FAM234B: variants seen among roughly 807,000 people sequenced by gnomAD.
FAM234B encodes the protein protein FAM234B.
A neutral mutation model predicts 69.3 loss-of-function variants in FAM234B; 33 were observed. That is an observed-to-expected ratio of 0.48 (90% CI 0.36 to 0.64). FAM234B has a LOEUF of 0.64. Ranked by LOEUF, FAM234B falls within the 30% of genes least tolerant of loss-of-function variation. FAM234B has a pLI of 0.00. For missense variants in FAM234B, 697 were observed against 769.7 expected (o/e 0.91, Z 1.12); for synonymous variants, 306 against 306.9 (o/e 1.00, Z 0.03).
At chr12:13,072,050 C>G (rs765702891) in intron 10 of FAM234B, among the ~76,000 whole-genome samples, 2 of 152,168 alleles carry the variant, frequency 1.3e-5, no homozygotes, top group Non-Finnish European at 2.9e-5. Flanking sequence ...CACATCTTGA[C>G]TCAGCACTTT....
chr12:13,054,506 G>A, intron 1 of FAM234B, among the ~76,000 whole-genome samples: 1 of 152,174 alleles, frequency 6.6e-6, no homozygotes, highest in East Asian at 1.9e-4. Flanking sequence ...CAAGGCCATA[G>A]TGACCCAGAG....
chr12:13,074,090 A>G (rs1399701557), intron 10 of FAM234B, among the ~76,000 whole-genome samples: 1 of 152,226 alleles, frequency 6.6e-6, no homozygotes, highest in Non-Finnish European at 1.5e-5. Flanking sequence ...TCAAACTGAT[A>G]TCTTACCCTT....
In FAM234B at chr12:13,067,201, A is replaced by G; in HGVS notation, c.1047A>G (p.Gln349=). The G allele has an allele frequency of 1.2e-6, 2 of 1,614,074 alleles. No homozygotes were observed. The highest frequency in any genetic ancestry group is 1.1e-5 in the South Asian group (1 of 91,084). ...VALRDIFVQA[Q]NRDSSPPSLQ... The stretch of plus-strand genomic sequence containing the variant: ...TGCGGGACATTTTTGTTCAGGCCCA[A>G]AATCGAGACAGCTCACCACCTTCTC... Residue 349 remains glutamine (Q), a synonymous_variant, in exon 7 of 13, where the codon CAA becomes CAG. Coordinates refer to ENST00000197268, the MANE Select transcript of FAM234B (RefSeq NM_020853.2). The surrounding 1 kb of genome is among the most constrained non-coding windows in gnomAD (Gnocchi z 4.7).
At chr12:13,076,345 C>G (rs913780293) in intron 11 of FAM234B, among the ~76,000 whole-genome samples, 4 of 152,182 alleles carry the variant, frequency 2.6e-5, no homozygotes. Flanking sequence ...GGTGAGAACC[C>G]ATATGCTCTG....
rs116099673 is a variant in FAM234B at position 13,068,608 on chromosome 12, C to G, written c.1287-22C>G. On this transcript the variant is annotated intron_variant, in intron 8 of 12. Transcript: ENST00000197268. ...TGTTTTTCTTGTTCACTATTGATTG[C>G]TTACTTTGTCCTTATTTGCAGCCAG... is the stretch of plus-strand genomic sequence containing the variant. 1.6e-3 allele frequency: 2,509 copies of G among 1,601,652 alleles called. 36 individuals carry two copies. The African/African-American group carries it at 0.03, about 19-fold the overall frequency.
At position 13,052,175 on chromosome 12, in the gene FAM234B, G is replaced by A. The variant is rs554673865; in HGVS notation, c.38-3376G>A. 5.3e-5 allele frequency among the ~76,000 whole-genome samples: 8 copies of A among 152,178 alleles called. No homozygotes were observed. The South Asian group carries it at 1.7e-3, about 32-fold the overall frequency. ...GAAATTAAAACTAGGACAGATAATTGGCAACTTCCCAGAAAAAAATTCTTG... is the reference window on the plus strand; with the variant it reads ...GAAATTAAAACTAGGACAGATAATTAGCAACTTCCCAGAAAAAAATTCTTG... On this transcript the variant is annotated intron_variant, in intron 1 of 12. Coordinates refer to ENST00000197268, the MANE Select transcript of FAM234B (RefSeq NM_020853.2).
At position 13,074,178 on chromosome 12, in the gene FAM234B, T is replaced by A. The variant is rs1031095750; in HGVS notation, c.1525-1848T>A. On this transcript the variant is annotated intron_variant, in intron 10 of 12. Coordinates refer to ENST00000197268, the MANE Select transcript of FAM234B (RefSeq NM_020853.2). Reference sequence around the variant, plus strand: ...AGTTTCCTCTGGTGCAAAAAAAATTTTGAAGTCCTTGCATAGTTTTTTCAT... The same window carrying A: ...AGTTTCCTCTGGTGCAAAAAAAATTATGAAGTCCTTGCATAGTTTTTTCAT... Among the ~76,000 whole-genome samples the A allele has an allele frequency of 4.5e-4, 69 of 152,340 alleles. 1 individual carries two copies. Among genetic ancestry groups the A allele is most frequent in the African/African-American group, 1.6e-3 (68 of 41,584 alleles).
rs768653409 is a variant in FAM234B at position 13,061,662 on chromosome 12, G to A, written c.620G>A (p.Arg207Gln). 3.7e-6 allele frequency: 6 copies of A among 1,613,912 alleles called. No individual in the cohort carries two copies. The highest frequency in any genetic ancestry group is 1.7e-5 in the Admixed American group (1 of 59,992). The change falls in exon 4 of 13, where the codon CGA becomes CAA. Residue 207 changes from arginine (R) to glutamine (Q), a missense_variant. This residue lies in a region of FAM234B where 380 missense variants were observed against 447.1 expected (regional missense o/e 0.85). Transcript: ENST00000197268. ...LWSSLLPEEA[R>Q]DITCLELMPG... Reference sequence around the variant, plus strand: ...TCTAGTCTTCTCCCTGAGGAGGCTCGAGATATCACATGTTTGGAGCTGATG... The same window carrying A: ...TCTAGTCTTCTCCCTGAGGAGGCTCAAGATATCACATGTTTGGAGCTGATG...
intron 10 of FAM234B, among the ~76,000 whole-genome samples, chr12:13,075,675 C>T (rs1321335861): frequency 1.4e-5 from 2 of 146,436 alleles, no homozygotes; most frequent in East Asian, 2.0e-4. Flanking sequence ...AGGCTGGTCT[C>T]GAACTCCTGA....
At chr12:13,075,745 C>T (rs1272758291) in intron 10 of FAM234B, among the ~76,000 whole-genome samples, 4 of 151,860 alleles carry the variant, frequency 2.6e-5, no homozygotes, top group African/African-American at 7.3e-5. Flanking sequence ...CATGAGCCAC[C>T]GCACCAGGCC....
rs1327804681 is a variant in FAM234B, at chr12:13,067,863, G to A, written c.1143-441G>A. On this transcript the variant is annotated intron_variant, in intron 7 of 12. Coordinates refer to ENST00000197268, the MANE Select transcript of FAM234B (RefSeq NM_020853.2). The surrounding 1 kb of genome is among the most constrained non-coding windows in gnomAD (Gnocchi z 4.7). ...TCTTAGGCAGTATCATGGTGTTTTGGTGACTTTGACAGGTATGAAGTAGAA... is the reference window on the plus strand; with the variant it reads ...TCTTAGGCAGTATCATGGTGTTTTGATGACTTTGACAGGTATGAAGTAGAA... Among the ~76,000 whole-genome samples, 2 of 152,156 alleles carry A rather than the reference G, an allele frequency of 1.3e-5. No individual in the cohort carries two copies. Among genetic ancestry groups the A allele is most frequent in the African/African-American group, 2.4e-5 (1 of 41,428 alleles).
intron 1 of FAM234B, among the ~76,000 whole-genome samples, chr12:13,045,209 A>G (rs959814038): frequency 2.7e-5 from 4 of 145,778 alleles, no homozygotes; most frequent in African/African-American, 5.2e-5. Flanking sequence ...AGCAGCTCCA[A>G]GTTTTTTTTC....
intron 10 of FAM234B, among the ~76,000 whole-genome samples, chr12:13,074,402 A>T (rs1565512023): frequency 6.6e-6 from 1 of 152,228 alleles, no homozygotes; most frequent in Non-Finnish European, 1.5e-5. Context: ...GCCTAGGGTA[A>T]TAAGGGAGCT....
rs1293647295 is a variant in FAM234B at position 13,071,528 on chromosome 12, G to A, written c.1524+132G>A. On this transcript the variant is annotated intron_variant, in intron 10 of 12. Coordinates refer to ENST00000197268, the MANE Select transcript of FAM234B (RefSeq NM_020853.2). ...TTGGAATAGAAACAAGTCAGCACTC[G>A]CTGGAGAAAAGCAGGAACCCTGTGT... is the stretch of plus-strand genomic sequence containing the variant. The A allele has an allele frequency of 1.5e-5, 12 of 814,692 alleles. No individual in the cohort carries two copies. In the Admixed American group the frequency reaches 1.6e-4, roughly 11 times the overall value. The allele number at this position is 814,692 out of a possible 1,614,324, so 50.5% of individuals were successfully genotyped here. A position where few individuals can be genotyped will look rare whatever the true frequency, so the allele number is the denominator to read the frequency against.
rs1428770904 is a variant in FAM234B, at chr12:13,066,637, C to T, written c.853-3C>T. The T allele has an allele frequency of 3.1e-6, 5 of 1,610,180 alleles. No homozygotes were observed. The highest frequency in any genetic ancestry group is 4.2e-6 in the Non-Finnish European group (5 of 1,178,174). On this transcript the variant is annotated splice_region_variant and splice_polypyrimidine_tract_variant and intron_variant, in intron 5 of 12. Coordinates refer to ENST00000197268, the MANE Select transcript of FAM234B (RefSeq NM_020853.2). ...ACTCCACCCCCCTCTCTTACTTCCTCAGCCAGATCTGTGCTTTCTGCTGGT... is the reference window on the plus strand; with the variant it reads ...ACTCCACCCCCCTCTCTTACTTCCTTAGCCAGATCTGTGCTTTCTGCTGGT...
intron 10 of FAM234B, 138 bp downstream of exon 10, chr12:13,071,534 G>T: frequency 2.6e-6 from 2 of 760,112 alleles, no homozygotes; most frequent in Non-Finnish European, 4.2e-6. Flanking sequence ...ACTCGCTGGA[G>T]AAAAGCAGGA....
intron 1 of FAM234B, among the ~76,000 whole-genome samples, chr12:13,050,485 T>C (rs1322005569): frequency 2.0e-5 from 3 of 152,166 alleles, no homozygotes; most frequent in Non-Finnish European, 2.9e-5. Context: ...GATTCTGTGG[T>C]GTTGAATGGG....
chr12:13,064,457 C>T (rs977019600), intron 5 of FAM234B, among the ~76,000 whole-genome samples: 6 of 152,134 alleles, frequency 3.9e-5, no homozygotes, highest in South Asian at 4.1e-4. Flanking sequence ...CCCGTCTGGC[C>T]GCTTATTAGC....
intron 11 of FAM234B, among the ~76,000 whole-genome samples, chr12:13,079,293 G>A (rs894618606): frequency 6.6e-5 from 10 of 152,166 alleles, no homozygotes; most frequent in African/African-American, 2.4e-4. Context: ...ATGGAGAAAG[G>A]ATTCCCTATT....
Sources: gnomAD v4.1 joint callset for allele counts (sites outside exome capture counted in the v4.1 genomes callset) on GRCh38, gnomAD v4.1.1 for gene constraint, gnomAD v4.1.1 regional missense constraint, Gnocchi (gnomAD v3.1) non-coding constraint, MANE v1.5 for transcripts, NCBI Gene and HGNC (gene_info 2026-07-23, HGNC 2026-07-21) for gene names.